The following PCDHA11 variants were observed in gnomAD, a reference collection of about 807,000 sequenced individuals.
PCDHA11 encodes protocadherin alpha-11.
PCDHA11 carries 61 observed loss-of-function variants against 70.3 expected under a neutral mutation model. The observed-to-expected ratio is 0.87, with a 90% CI of 0.71 to 1.07. The LOEUF (loss-of-function observed/expected upper bound fraction) is 1.07. Ranked by LOEUF, PCDHA11 falls within the 50% of genes least tolerant of loss-of-function variation. The pLI is 0.00. For synonymous variants in PCDHA11, 633 were observed against 555.1 expected (o/e 1.14, Z -1.97); for missense variants, 1,324 against 1,237.5 (o/e 1.07, Z -1.05).
chr5:140,938,560 C>T (rs2092118397), intron 1 of PCDHA11, among the ~76,000 whole-genome samples: 1 of 143,272 alleles, frequency 7.0e-6, no homozygotes, highest in Non-Finnish European at 1.5e-5. Flanking sequence ...TTATTAATAG[C>T]ATGCATTATA....
intron 1 of PCDHA11, among the ~76,000 whole-genome samples, chr5:140,895,467 T>A (rs1201680855): frequency 6.6e-6 from 1 of 152,204 alleles, no homozygotes. Flanking sequence ...CATTTCTTTA[T>A]CCTCTTCGGA....
intron 1 of PCDHA11, among the ~76,000 whole-genome samples, chr5:140,952,764 G>A (rs1554220603): frequency 6.6e-6 from 1 of 152,116 alleles, no homozygotes; most frequent in Non-Finnish European, 1.5e-5. Flanking sequence ...CCTGAGACTG[G>A]ATAATTTAGA....
chr5:140,869,677 C>T lies in PCDHA11; in HGVS notation c.574C>T (p.Leu192=). The T allele has an allele frequency of 6.2e-7, 1 of 1,613,420 alleles. No individual in the cohort carries two copies. The highest frequency in any genetic ancestry group is 8.5e-7 in the Non-Finnish European group (1 of 1,179,870). The change falls in exon 1 of 4, where the codon CTG becomes TTG. Residue 192 remains leucine, a synonymous_variant. Transcript: ENST00000398640. ...AACAAATGGTAAGCAGATTAAAAGA[C>T]TGTCACTTATTTTAAAGAAGTCTCT... ...SPTNGKQIKR[L]SLILKKSLDR...
chr5:140,931,966 A>G (rs1554208694), intron 1 of PCDHA11, among the ~76,000 whole-genome samples: 1 of 151,950 alleles, frequency 6.6e-6, no homozygotes, highest in African/African-American at 2.4e-5. Context: ...ATGTTGATGC[A>G]TATGTGTTTA....
intron 1 of PCDHA11, chr5:140,928,628 T>G: frequency 6.2e-7 from 1 of 1,614,222 alleles, no homozygotes; most frequent in Non-Finnish European, 8.5e-7. Context: ...ACTGGACACT[T>G]GGTCACAAAA....
chr5:141,007,181 G>A (rs372000063), intron 3 of PCDHA11, among the ~76,000 whole-genome samples: 1 of 152,134 alleles, frequency 6.6e-6, no homozygotes, highest in East Asian at 1.9e-4. Context: ...AAGGTCAGGA[G>A]AATGTTTTGA....
At position 140,870,465 on chromosome 5, in the gene PCDHA11, C is replaced by A; in HGVS notation, c.1362C>A (p.Phe454Leu). 1 of 1,614,208 alleles carries A rather than the reference C, an allele frequency of 6.2e-7. No individual in the cohort carries two copies. The highest frequency in any genetic ancestry group is 8.5e-7 in the Non-Finnish European group (1 of 1,180,044). ...VADVNDNAPA[F>L]AQPEYTVFVK... ...ACGTGAACGACAATGCGCCTGCGTTCGCACAGCCCGAGTACACCGTGTTCG... is the reference window on the plus strand; with the variant it reads ...ACGTGAACGACAATGCGCCTGCGTTAGCACAGCCCGAGTACACCGTGTTCG... Residue 454 changes from phenylalanine to leucine, a missense_variant, in exon 1 of 4, where the codon TTC (phenylalanine) becomes TTA (leucine). Physicochemically the swap from Phe to Leu is conservative, Grantham distance 22. Coordinates refer to ENST00000398640, the MANE Select transcript of PCDHA11 (RefSeq NM_018902.5).
At chr5:140,884,469 C>A in intron 1 of PCDHA11, 1 of 1,613,766 alleles carries the variant, frequency 6.2e-7, no homozygotes, top group Non-Finnish European at 8.5e-7. Flanking sequence ...GCGTGCGCGC[C>A]GGGCAAGCCC....
chr5:141,000,421 A>T (rs4912737), intron 3 of PCDHA11, among the ~76,000 whole-genome samples: 2,503 of 28,048 alleles, frequency 0.089, 337 homozygotes, highest in East Asian at 0.098. Flanking sequence ...ATATATATAT[A>T]TTTTTTTTTT....
intron 3 of PCDHA11, among the ~76,000 whole-genome samples, chr5:140,997,644 ATGCAATAT>A (rs1287449551): frequency 7.9e-5 from 12 of 151,656 alleles, no homozygotes; most frequent in African/African-American, 2.9e-4. Flanking sequence ...AAATGGGATA[ATGCAATAT>A]GTATTATTAT....
At chr5:140,877,108 G>C in intron 1 of PCDHA11, 1 of 1,613,542 alleles carries the variant, frequency 6.2e-7, no homozygotes. Context: ...GCCGCCTCTG[G>C]GCAGCAACGT....
In PCDHA11 at chr5:140,884,413, G is replaced by C. The variant is rs376737487; in HGVS notation, c.2391+12919G>C. 13 of 1,613,896 alleles carry C rather than the reference G, an allele frequency of 8.1e-6. No homozygotes were observed. The East Asian group carries it at 2.5e-4, about 30-fold the overall frequency. On this transcript the variant is annotated intron_variant, in intron 1 of 3. Transcript: ENST00000398640. Reference sequence around the variant, plus strand: ...TGTCCAGCCTGTTGGTGCTCACGTTGCTGCTGTATACTGCGCTGCGGTGCT... The same window carrying C: ...TGTCCAGCCTGTTGGTGCTCACGTTCCTGCTGTATACTGCGCTGCGGTGCT...
intron 1 of PCDHA11, among the ~76,000 whole-genome samples, chr5:140,975,638 C>T (rs1256768090): frequency 6.6e-6 from 1 of 152,130 alleles, no homozygotes; most frequent in Non-Finnish European, 1.5e-5. Context: ...ACGAAGATAG[C>T]ATATTATTTC....
At chr5:140,953,058 C>T (rs1186621578) in intron 1 of PCDHA11, among the ~76,000 whole-genome samples, 1 of 152,202 alleles carries the variant, frequency 6.6e-6, no homozygotes, top group African/African-American at 2.4e-5. Flanking sequence ...TCACCTCTCA[C>T]AGGCCCCATC....
At chr5:140,967,214 C>T (rs2096114688) in intron 1 of PCDHA11, 10 of 1,613,692 alleles carry the variant, frequency 6.2e-6, no homozygotes, top group Non-Finnish European at 8.5e-6. Context: ...GCGTTTCCCG[C>T]GGCCCAACTA....
chr5:140,981,582 A>C (rs2096939117), intron 2 of PCDHA11, among the ~76,000 whole-genome samples: 1 of 152,182 alleles, frequency 6.6e-6, no homozygotes, highest in African/African-American at 2.4e-5. Flanking sequence ...TCAAAAATAA[A>C]TAAAATAAAA....
rs1412430465 is a variant in PCDHA11 at position 141,010,516 on chromosome 5, A to C, written c.*579A>C. On this transcript the variant is annotated 3_prime_UTR_variant, in exon 4 of 4. Transcript: ENST00000398640. ...CCAGACTTTCTAAATCTTACAACTC[A>C]AGAGGTGGCAGCCACCCTCTAGGAG... 4.2e-6 allele frequency: 2 copies of C among 477,698 alleles called. No individual in the cohort carries two copies. The highest frequency in any genetic ancestry group is 7.8e-5 in the Admixed American group (2 of 25,754). The allele number at this position is 477,698 out of a possible 1,614,324, so 29.6% of individuals were successfully genotyped here.
At position 140,906,523 on chromosome 5, in the gene PCDHA11, C is replaced by T. The variant is rs145617697; in HGVS notation, c.2391+35029C>T. Among the ~76,000 whole-genome samples, 1,221 of 152,284 alleles carry T rather than the reference C, an allele frequency of 8.0e-3. 6 individuals are homozygous for T. The highest frequency in any genetic ancestry group is 0.019 in the African/African-American group (786 of 41,540). On this transcript the variant is annotated intron_variant, in intron 1 of 3. Transcript: ENST00000398640. ...TTAACAAAGAAGGAGGAAATACTCA[C>T]GACAATTAAAATCCTCATTTCTGCA...
In PCDHA11 at chr5:140,871,407, C is replaced by G; in HGVS notation, c.2304C>G (p.Leu768=). Reference sequence around the variant, plus strand: ...AGGAGGGCCCACCTAAGACGGACCTCATGGCCTTCAGCCCCAGTCTTCCTC... The same window carrying G: ...AGGAGGGCCCACCTAAGACGGACCTGATGGCCTTCAGCCCCAGTCTTCCTC... The part of the protein sequence containing the change: ...CSEEGPPKTD[L]MAFSPSLPLG... The change falls in exon 1 of 4, where the codon CTC becomes CTG. Residue 768 remains leucine (L), a synonymous_variant. Transcript: ENST00000398640. 6.2e-7 allele frequency: 1 copy of G among 1,614,070 alleles called. No homozygotes were observed. Among genetic ancestry groups the G allele is most frequent in the Non-Finnish European group, 8.5e-7 (1 of 1,179,970 alleles).
Sources: allele counts gnomAD v4.1 joint callset (sites outside exome capture counted in the v4.1 genomes callset), GRCh38; gene constraint gnomAD v4.1.1; transcripts MANE v1.5; gene names NCBI Gene and HGNC (gene_info 2026-07-23, HGNC 2026-07-21).